Variants in HLCS observed in about 807,000 individuals in gnomAD.
HLCS encodes the protein biotin--protein ligase.
In HLCS, 53 loss-of-function variants were observed where a neutral mutation model predicts 75.0. The observed-to-expected ratio is 0.71, with a 90% confidence interval of 0.57 to 0.89. HLCS has a LOEUF of 0.89. HLCS is among the 40% of genes least tolerant of loss of function. HLCS has a pLI of 0.00. For missense variants in HLCS, 966 were observed against 1,074.0 expected, an observed-to-expected ratio of 0.90 and a Z score of 1.41; for synonymous variants, 431 against 428.6, an observed-to-expected ratio of 1.01 and a Z score of -0.07.
At chr21:36,966,378 A>T (rs1299916336) in intron 1 of HLCS, 66 bp downstream of exon 1, 24 of 661,588 alleles carry the variant, frequency 3.6e-5, no homozygotes, top group Non-Finnish European at 4.5e-5. Flanking sequence ...GGCGGGGACG[A>T]GGCGCAGGGA....
At chr21:36,773,217 C>G (rs998155972) in intron 6 of HLCS, among the ~76,000 whole-genome samples, 1 of 152,128 alleles carries the variant, frequency 6.6e-6, no homozygotes, top group African/African-American at 2.4e-5. Context: ...TTGCAGCTGC[C>G]AGTTCACTAG....
In HLCS at chr21:36,966,433, G is replaced by T; in HGVS notation, c.195+11C>A. 3 of 81,242 alleles carry T rather than the reference G, an allele frequency of 3.7e-5. No homozygotes were observed. The highest frequency in any genetic ancestry group is 5.0e-5 in the Non-Finnish European group (3 of 59,938). 5.0% of individuals were successfully genotyped at this position (81,242 alleles called of 1,614,324 possible). On this transcript the variant is annotated intron_variant, in intron 1 of 10. Transcript: ENST00000674895. Reference sequence around the variant, plus strand: ...CGGGGCCCGGGTCGCCCGCCCGCCCGACCCGCCCACCTGGCTGTCGCTGAC... The same window carrying T: ...CGGGGCCCGGGTCGCCCGCCCGCCCTACCCGCCCACCTGGCTGTCGCTGAC...
Position 36,957,380 on chromosome 21 carries a change from G to A in HLCS, c.330+4656C>T, listed in dbSNP as rs1053505103. 3.3e-5 allele frequency among the ~76,000 whole-genome samples: 5 copies of A among 152,272 alleles called. No individual in the cohort carries two copies. In the East Asian group the frequency reaches 9.6e-4, roughly 29 times the overall value. On this transcript the variant is annotated intron_variant, in intron 2 of 10. Transcript: ENST00000674895. ...AAGGCCCTCACCAGAAGCACATGCT[G>A]GCACCACTCTTCCTGTATGGCTCGC...
At chr21:36,923,163 T>C (rs2066249995) in intron 5 of HLCS, among the ~76,000 whole-genome samples, 1 of 152,216 alleles carries the variant, frequency 6.6e-6, no homozygotes, top group African/African-American at 2.4e-5. Context: ...ATGTGTTTTT[T>C]GAACTGGGAG....
At chr21:36,895,117 AG>A (rs2064961419) in intron 6 of HLCS, among the ~76,000 whole-genome samples, 2 of 152,070 alleles carry the variant, frequency 1.3e-5, no homozygotes, top group Admixed American at 6.6e-5. Flanking sequence ...CACACTTCCA[AG>A]GTTCCCAGGT....
Position 36,842,257 on chromosome 21 carries a change from C to G in HLCS, c.1892+54603G>C, listed in dbSNP as rs993428460. 2.0e-5 allele frequency among the ~76,000 whole-genome samples: 3 copies of G among 152,174 alleles called. No individual in the cohort carries two copies. Among genetic ancestry groups the G allele is most frequent in the African/African-American group, 7.2e-5 (3 of 41,444 alleles). The stretch of plus-strand genomic sequence containing the variant: ...AAACCAGGCAAAACTAAGATAGCGT[C>G]AGAAATCAGGACAGTGTTCCCCAAA... On this transcript the variant is annotated intron_variant, in intron 6 of 10. Coordinates refer to ENST00000674895, the MANE Select transcript of HLCS (RefSeq NM_001352514.2). The surrounding 1 kb of genome is among the most constrained non-coding windows in gnomAD (Gnocchi z 4.2).
At chr21:36,907,527 G>A (rs970831525) in intron 5 of HLCS, among the ~76,000 whole-genome samples, 2 of 152,102 alleles carry the variant, frequency 1.3e-5, no homozygotes, top group Non-Finnish European at 2.9e-5. Flanking sequence ...ATGGTGGCAT[G>A]AACCTGTAAT....
At chr21:36,969,010 T>C (rs1158596593), upstream of HLCS, among the ~76,000 whole-genome samples, 2 of 152,204 alleles carry the variant, frequency 1.3e-5, no homozygotes, top group Middle Eastern at 6.3e-3. Context: ...GTCAATCCTG[T>C]ATACCAATTC....
At chr21:36,885,621 G>A (rs953787084) in intron 6 of HLCS, among the ~76,000 whole-genome samples, 2 of 151,856 alleles carry the variant, frequency 1.3e-5, no homozygotes, top group Non-Finnish European at 2.9e-5. Context: ...AGGCTAAAAA[G>A]AATTGCACAC....
chr21:36,774,478 T>C (rs1255132338), intron 6 of HLCS, among the ~76,000 whole-genome samples: 1 of 152,176 alleles, frequency 6.6e-6, no homozygotes, highest in Non-Finnish European at 1.5e-5. Flanking sequence ...ATTTGCAAAG[T>C]GGTCCCTGTC....
At chr21:36,856,552 A>G (rs1398481465) in intron 6 of HLCS, among the ~76,000 whole-genome samples, 1 of 152,204 alleles carries the variant, frequency 6.6e-6, no homozygotes, top group Non-Finnish European at 1.5e-5. Context: ...CACCACCGCC[A>G]ATAGTAGTCC....
At chr21:36,858,176 C>T (rs889494423) in intron 6 of HLCS, among the ~76,000 whole-genome samples, 1 of 152,044 alleles carries the variant, frequency 6.6e-6, no homozygotes, top group African/African-American at 2.4e-5. Flanking sequence ...CTTTCACTGC[C>T]CTTAAACTTA....
chr21:36,919,003 T>C (rs546064947), intron 5 of HLCS, among the ~76,000 whole-genome samples: 1 of 152,370 alleles, frequency 6.6e-6, no homozygotes, highest in South Asian at 2.1e-4. Context: ...GATTGTTTCA[T>C]TTTAGGTATG....
chr21:36,823,523 G>A (rs924445047), intron 6 of HLCS, among the ~76,000 whole-genome samples: 2 of 151,886 alleles, frequency 1.3e-5, no homozygotes, highest in Non-Finnish European at 2.9e-5. Flanking sequence ...ATCCTTCCAT[G>A]TACTCTGCAT....
intron 6 of HLCS, among the ~76,000 whole-genome samples, chr21:36,870,852 G>A (rs1360565682): frequency 6.6e-6 from 1 of 152,160 alleles, no homozygotes. Context: ...AGAAGGGTTT[G>A]GAAAATGGCA....
At chr21:36,884,308 G>C (rs753847634) in intron 6 of HLCS, among the ~76,000 whole-genome samples, 5 of 152,182 alleles carry the variant, frequency 3.3e-5, no homozygotes, top group Non-Finnish European at 7.3e-5. Context: ...GCATTACCAT[G>C]AGTGGGCATT....
At position 36,847,900 on chromosome 21, in the gene HLCS, CTTTTG is replaced by C. The variant is rs200826119; in HGVS notation, c.1892+48955_1892+48959del. Among the ~76,000 whole-genome samples the C allele has an allele frequency of 3.9e-3, 596 of 152,172 alleles. 3 individuals are homozygous for C. The highest frequency in any genetic ancestry group is 0.014 in the African/African-American group (575 of 41,520). ...ATCTTCTTTCAATGCATGCAGAAAC[CTTTTG>C]TTTATTTACTTTTCGAAAACAAAAT... On this transcript the variant is annotated intron_variant, in intron 6 of 10. Transcript: ENST00000674895.
At chr21:36,928,535 A>T (rs1601773076) in intron 5 of HLCS, among the ~76,000 whole-genome samples, 1 of 152,104 alleles carries the variant, frequency 6.6e-6, no homozygotes, top group Admixed American at 6.5e-5. Flanking sequence ...GCACCACTAC[A>T]CTCCAGCCTG....
intron 1 of HLCS, among the ~76,000 whole-genome samples, chr21:36,983,204 A>G (rs2069158220): frequency 6.6e-6 from 1 of 150,964 alleles, no homozygotes; most frequent in Non-Finnish European, 1.5e-5. Context: ...TTCTTTTTTA[A>G]TGTTTGTTTA....
Sources: gnomAD v4.1 joint callset for allele counts (sites outside exome capture counted in the v4.1 genomes callset) on GRCh38, gnomAD v4.1.1 for gene constraint, Gnocchi (gnomAD v3.1) non-coding constraint, MANE v1.5 for transcripts, NCBI Gene and HGNC (gene_info 2026-07-23, HGNC 2026-07-21) for gene names.